The following IPO5 variants were observed in gnomAD, a reference collection of about 807,000 sequenced individuals.
IPO5 encodes importin 5, also known as importin-5.
In IPO5, 18 loss-of-function variants were observed where a neutral mutation model predicts 143.3. The observed-to-expected ratio is 0.13, with a 90% CI of 0.09 to 0.19. The LOEUF is 0.19. IPO5 is among the 10% of genes least tolerant of loss of function. The probability of loss-of-function intolerance (pLI) is 1.00; values close to 1 mark genes in which losing one functional copy is unlikely to be tolerated. For synonymous variants in IPO5, 477 were observed against 465.7 expected (o/e 1.02, Z -0.31); for missense variants, 1,013 against 1,336.9 (o/e 0.76, Z 3.78).
At position 98,015,798 on chromosome 13, in the gene IPO5, G is replaced by T; in HGVS notation, c.2493+17G>T. The stretch of plus-strand genomic sequence containing the variant: ...CAAGATGAGGTAAGTTATTCCCTTT[G>T]GAACTTACTTACGTGACCACTTGCA... On this transcript the variant is annotated intron_variant, in intron 24 of 28. Coordinates refer to ENST00000651721, the MANE Select transcript of IPO5 (RefSeq NM_002271.6). The T allele has an allele frequency of 6.4e-7, 1 of 1,563,602 alleles. No individual in the cohort carries two copies. The highest frequency in any genetic ancestry group is 8.7e-7 in the Non-Finnish European group (1 of 1,148,712).
chr13:98,015,584 G>A lies in IPO5; in HGVS notation c.2380G>A (p.Gly794Arg). The A allele has an allele frequency of 6.2e-7, 1 of 1,612,714 alleles. No homozygotes were observed. Among genetic ancestry groups the A allele is most frequent in the Non-Finnish European group, 8.5e-7 (1 of 1,178,982 alleles). The change falls in exon 23 of 29, where the codon GGA becomes AGA. Residue 794 changes from glycine (G) to arginine (R), a missense_variant. Gly to Arg is a moderately radical substitution (Grantham distance 125). This residue lies in a region of IPO5 where 685 missense variants were observed against 994.9 expected (regional missense o/e 0.69). Coordinates refer to ENST00000651721, the MANE Select transcript of IPO5 (RefSeq NM_002271.6). ...TAATAATGAACACTTTGAAGAACTG[G>A]GAGGTATATTGAAAGCAAAGCTTGA... ...CLNNEHFEELGGILKAKLEEH... is the reference protein window; with the variant it reads ...CLNNEHFEELRGILKAKLEEH...
At chr13:98,019,492 C>T in intron 26 of IPO5, 89 bp from the exon 27 acceptor site, 4 of 875,750 alleles carry the variant, frequency 4.6e-6, no homozygotes, top group Non-Finnish European at 7.2e-6. Flanking sequence ...TTACCATAAT[C>T]AATATCTGAA....
Position 97,976,728 on chromosome 13 carries a change from T to C in IPO5, c.32T>C (p.Phe11Ser). 7.1e-7 allele frequency: 1 copy of C among 1,414,936 alleles called. No homozygotes were observed. Among genetic ancestry groups the C allele is most frequent in the Non-Finnish European group, 9.4e-7 (1 of 1,060,376 alleles). The allele number at this position is 1,414,936 out of a possible 1,614,324, so 87.6% of individuals were successfully genotyped here. Residue 11 changes from phenylalanine (F) to serine (S), a missense_variant, in exon 4 of 29, where the codon TTC (phenylalanine) becomes TCC (serine). Transcript: ENST00000651721. Reference sequence around the variant, plus strand: ...GCGGCCGCGGCGGAGCAGCAACAGTTCTACCTGCTCCTGGGAAACCTGCTC... The same window carrying C: ...GCGGCCGCGGCGGAGCAGCAACAGTCCTACCTGCTCCTGGGAAACCTGCTC... MAAAAAEQQQ[F>S]YLLLGNLLSP...
intron 26 of IPO5, among the ~76,000 whole-genome samples, chr13:98,019,162 C>T (rs1229967883): frequency 6.6e-6 from 1 of 151,992 alleles, no homozygotes; most frequent in Middle Eastern, 3.2e-3. Context: ...CCATGTTAGC[C>T]AGGATGGTCT....
intron 6 of IPO5, among the ~76,000 whole-genome samples, 198 bp from the exon 7 acceptor site, chr13:97,988,864 T>C (rs997649528): frequency 6.7e-6 from 1 of 149,076 alleles, no homozygotes; most frequent in African/African-American, 2.5e-5. Context: ...GTTTGTTTGG[T>C]CTTTTTTTTT....
chr13:98,014,975 C>T (rs1193085771), intron 22 of IPO5, among the ~76,000 whole-genome samples: 1 of 151,956 alleles, frequency 6.6e-6, no homozygotes, highest in Non-Finnish European at 1.5e-5. Flanking sequence ...TTCATTGAGT[C>T]ACTTCCTTTC....
chr13:97,955,949 G>A (rs546417282), intron 2 of IPO5, among the ~76,000 whole-genome samples: 2 of 152,050 alleles, frequency 1.3e-5, no homozygotes, highest in African/African-American at 2.4e-5. Flanking sequence ...GGCTTAACAC[G>A]GTGAAACCCC....
At chr13:97,973,011 A>C (rs1157126618) in intron 3 of IPO5, among the ~76,000 whole-genome samples, 1 of 149,592 alleles carries the variant, frequency 6.7e-6, no homozygotes, top group South Asian at 2.1e-4. Context: ...GTTTTTATGG[A>C]ATATCTTAGT....
intron 3 of IPO5, among the ~76,000 whole-genome samples, chr13:97,974,166 G>C (rs533886156): frequency 3.9e-4 from 59 of 152,260 alleles, no homozygotes; most frequent in African/African-American, 1.4e-3. Flanking sequence ...GTAACCTACA[G>C]ACTCATTGCC....
chr13:97,973,611 T>C (rs747122308), intron 3 of IPO5, among the ~76,000 whole-genome samples: 3 of 152,218 alleles, frequency 2.0e-5, no homozygotes, highest in Non-Finnish European at 4.4e-5. Flanking sequence ...CTTCATTCAT[T>C]AACCTTAAAA....
intron 7 of IPO5, among the ~76,000 whole-genome samples, chr13:97,989,653 A>T (rs371166745): frequency 1.1e-4 from 16 of 152,182 alleles, no homozygotes; most frequent in Non-Finnish European, 1.8e-4. Context: ...CCACTGTGCT[A>T]TATTTTTTTA....
intron 27 of IPO5, among the ~76,000 whole-genome samples, chr13:98,020,498 G>T (rs767420730): frequency 2.0e-5 from 3 of 152,122 alleles, no homozygotes; most frequent in Non-Finnish European, 2.9e-5. Context: ...AAATGACCAG[G>T]TCTTAATCAT....
At chr13:98,005,088 G>A (rs967418285) in intron 16 of IPO5, among the ~76,000 whole-genome samples, 1 of 151,524 alleles carries the variant, frequency 6.6e-6, no homozygotes, top group Non-Finnish European at 1.5e-5. Flanking sequence ...GTGGAGACAG[G>A]GTTTCACCAT....
At chr13:97,999,440 G>A (rs952627320) in intron 12 of IPO5, among the ~76,000 whole-genome samples, 4 of 152,156 alleles carry the variant, frequency 2.6e-5, no homozygotes, top group Admixed American at 6.5e-5. Context: ...CATTTGCCCT[G>A]CAAATGGCAC....
chr13:97,995,358 A>G (rs542453145), intron 11 of IPO5, among the ~76,000 whole-genome samples: 3 of 151,762 alleles, frequency 2.0e-5, no homozygotes, highest in East Asian at 3.9e-4. Context: ...AGTCCGTTGT[A>G]TCATTCTTAC....
At chr13:98,014,565 A>G (rs1383912936) in intron 22 of IPO5, among the ~76,000 whole-genome samples, 1 of 152,310 alleles carries the variant, frequency 6.6e-6, no homozygotes, top group African/African-American at 2.4e-5. Flanking sequence ...TTTATATGCT[A>G]TAGTGTATGA....
At chr13:97,985,054 T>G (rs1887209090) in intron 5 of IPO5, among the ~76,000 whole-genome samples, 1 of 152,186 alleles carries the variant, frequency 6.6e-6, no homozygotes, top group Non-Finnish European at 1.5e-5. Flanking sequence ...GGAAAGGCGC[T>G]TGATATTCTA....
chr13:97,994,150 T>A (rs1269204405), intron 11 of IPO5, among the ~76,000 whole-genome samples: 1 of 151,948 alleles, frequency 6.6e-6, no homozygotes, highest in East Asian at 1.9e-4. Context: ...CTACTAAAAA[T>A]ACAAAAAATT....
In IPO5 at chr13:98,023,511, G is replaced by C. The variant is rs1890608086; in HGVS notation, c.*1689G>C. On this transcript the variant is annotated 3_prime_UTR_variant, in exon 29 of 29. Coordinates refer to ENST00000651721, the MANE Select transcript of IPO5 (RefSeq NM_002271.6). The stretch of plus-strand genomic sequence containing the variant: ...ACTTTATTACTACACTTGCAGAAAA[G>C]AAACATGTTAAAATCATGGCACACC... 3 of 152,098 alleles carry C rather than the reference G, an allele frequency of 2.0e-5. No individual in the cohort carries two copies. Among genetic ancestry groups the C allele is most frequent in the Admixed American group, 2.0e-4 (3 of 15,260 alleles). 9.4% of individuals were successfully genotyped at this position (152,098 alleles called of 1,614,324 possible).
Sources: gnomAD v4.1 joint callset for allele counts (sites outside exome capture counted in the v4.1 genomes callset) on GRCh38, gnomAD v4.1.1 for gene constraint, gnomAD v4.1.1 regional missense constraint, MANE v1.5 for transcripts, NCBI Gene and HGNC (gene_info 2026-07-23, HGNC 2026-07-21) for gene names.